The following SNORC variants were observed in gnomAD, a reference collection of about 807,000 sequenced individuals.
The protein encoded by SNORC is secondary ossification center associated regulator of chondrocyte maturation.
In SNORC, 11 loss-of-function variants were observed where a neutral mutation model predicts 9.7. The observed-to-expected ratio is 1.14, with a 90% CI of 0.72 to 1.88. SNORC has a LOEUF of 1.88. Ranked by LOEUF, SNORC falls within the 40% of genes most tolerant of loss-of-function variation. SNORC has a pLI of 0.00. For synonymous variants in SNORC, 108 were observed against 88.7 expected (o/e 1.22, Z -1.22); for missense variants, 197 against 173.1 (o/e 1.14, Z -0.77).
At chr2:232,876,926 A>G (rs1691277982), downstream of SNORC, 8 of 985,114 alleles carry the variant, frequency 8.1e-6, no homozygotes, top group Non-Finnish European at 9.6e-6. The surrounding 1 kb of genome is among the most constrained non-coding windows in gnomAD (Gnocchi z 6.8). Flanking sequence ...GTGAGGAGGT[A>G]AGCGCTAGGG....
At chr2:232,870,545 A>G (rs1690990358) in intron 1 of SNORC, 131 bp downstream of exon 1, 2 of 900,598 alleles carry the variant, frequency 2.2e-6, no homozygotes, top group Non-Finnish European at 3.4e-6. Flanking sequence ...ATTTGGGGTG[A>G]TTCTGCGAAG....
At chr2:232,876,549 C>G (rs937461339), downstream of SNORC, 3 of 1,183,308 alleles carry the variant, frequency 2.5e-6, no homozygotes, top group Non-Finnish European at 3.1e-6. This position sits in a 1 kb window ranked among gnomAD's most constrained non-coding sequence, Gnocchi z 6.8. Flanking sequence ...GAGGCGCGCC[C>G]GAATTCCCCG....
At chr2:232,876,492 G>A (rs956818541), downstream of SNORC, 17 of 1,314,128 alleles carry the variant, frequency 1.3e-5, no homozygotes, top group African/African-American at 2.7e-4. This position sits in a 1 kb window ranked among gnomAD's most constrained non-coding sequence, Gnocchi z 6.8. Context: ...TCAGGGCGGG[G>A]GTGCGCGCGG....
rs771215106 is a variant in SNORC, at chr2:232,876,104, C to T, written c.238C>T (p.Arg80Trp). 2 of 1,426,808 alleles carry T rather than the reference C, an allele frequency of 1.4e-6. No homozygotes were observed. The highest frequency in any genetic ancestry group is 1.5e-5 in the African/African-American group (1 of 65,284). The allele number at this position is 1,426,808 out of a possible 1,614,324, so 88.4% of individuals were successfully genotyped here. The change falls in exon 2 of 3, where the codon CGG becomes TGG. Residue 80 changes from arginine (R) to tryptophan (W), a missense_variant. Physicochemically the swap from Arg to Trp is moderately radical, Grantham distance 101. Coordinates refer to ENST00000331342, the Ensembl canonical transcript of SNORC. The surrounding 1 kb of genome is among the most constrained non-coding windows in gnomAD (Gnocchi z 6.8). ...ACCCGAGGACAGCACCGCGCAGGAG[C>T]GGCTGGACCAGGGCGGCGGTACGGG...
chr2:232,876,868 C>G, downstream of SNORC: 1 of 985,574 alleles, frequency 1.0e-6, no homozygotes. This position sits in a 1 kb window ranked among gnomAD's most constrained non-coding sequence, Gnocchi z 6.8. Context: ...TCGCCGCGCT[C>G]CCCGGGGCCT....
exon 2 of SNORC, chr2:232,875,961 T>C (rs1691215516): frequency 6.4e-7 from 1 of 1,553,882 alleles, no homozygotes; most frequent in African/African-American, 1.4e-5. Context: ...CAGGAGCCCG[T>C]GCCCACGCTG....
At chr2:232,876,470 G>T (rs1299612110), downstream of SNORC, 3 of 1,360,088 alleles carry the variant, frequency 2.2e-6, no homozygotes, top group East Asian at 3.1e-5. This position sits in a 1 kb window ranked among gnomAD's most constrained non-coding sequence, Gnocchi z 6.8. Flanking sequence ...GTGAGCGCGC[G>T]CAGGCGAGCG....
upstream of SNORC, chr2:232,870,228 T>A: frequency 1.1e-6 from 1 of 942,712 alleles, no homozygotes; most frequent in South Asian, 1.4e-5. Flanking sequence ...AGGACAGAGT[T>A]TGCATTGATG....
At chr2:232,868,811 G>C (rs1690924376), upstream of SNORC, among the ~76,000 whole-genome samples, 1 of 152,138 alleles carries the variant, frequency 6.6e-6, no homozygotes, top group Admixed American at 6.6e-5. Context: ...ATTAAATTCA[G>C]ACTTCACTAA....
At chr2:232,867,146 G>T (rs1690893968), upstream of SNORC, among the ~76,000 whole-genome samples, 1 of 152,206 alleles carries the variant, frequency 6.6e-6, no homozygotes, top group South Asian at 2.1e-4. Flanking sequence ...TTGTGAAAAT[G>T]AGCCATAAAT....
At chr2:232,873,798 C>T (rs1007315507) in intron 1 of SNORC, among the ~76,000 whole-genome samples, 3 of 152,074 alleles carry the variant, frequency 2.0e-5, no homozygotes, top group East Asian at 1.9e-4. Context: ...TTTCTGGCTG[C>T]GACATGGGAG....
upstream of SNORC, among the ~76,000 whole-genome samples, chr2:232,867,866 C>T (rs1416636038): frequency 6.6e-6 from 1 of 152,196 alleles, no homozygotes; most frequent in Non-Finnish European, 1.5e-5. Context: ...CCGCCAGTGC[C>T]CAGCTATTCT....
upstream of SNORC, chr2:232,870,192 G>C (rs1690968391): frequency 2.9e-6 from 2 of 694,866 alleles, no homozygotes; most frequent in Admixed American, 4.2e-5. Context: ...CGGGGGGGTG[G>C]GGAGGTGCGG....
At chr2:232,870,542 G>A (rs1690990194) in intron 1 of SNORC, 128 bp downstream of exon 1, 1 of 913,012 alleles carries the variant, frequency 1.1e-6, no homozygotes, top group Admixed American at 2.5e-5. Context: ...ACTATTTGGG[G>A]TGATTCTGCG....
rs1691232980 is a variant in SNORC, at chr2:232,876,201, G to A, written c.257-46G>A. ...GGCGGGGGGCGCGGGGAGAAGGGCCGGCCAGGCGGGGGCTAGCAGGTGACA... is the reference window on the plus strand; with the variant it reads ...GGCGGGGGGCGCGGGGAGAAGGGCCAGCCAGGCGGGGGCTAGCAGGTGACA... On this transcript the variant is annotated intron_variant, in intron 2 of 2. Coordinates refer to ENST00000331342, the Ensembl canonical transcript of SNORC. The surrounding 1 kb of genome is among the most constrained non-coding windows in gnomAD (Gnocchi z 6.8). 2 of 1,472,832 alleles carry A rather than the reference G, an allele frequency of 1.4e-6. No homozygotes were observed. The highest frequency in any genetic ancestry group is 1.3e-5 in the South Asian group (1 of 76,450). 91.2% of individuals were successfully genotyped at this position (1,472,832 alleles called of 1,614,324 possible).
chr2:232,871,098 C>T (rs1044511909), intron 1 of SNORC, among the ~76,000 whole-genome samples: 5 of 152,194 alleles, frequency 3.3e-5, no homozygotes, highest in South Asian at 2.1e-4. Context: ...GTGGTCTTTG[C>T]TCCTTTTGGC....
chr2:232,873,338 G>A (rs945978468), intron 1 of SNORC, among the ~76,000 whole-genome samples: 2 of 152,152 alleles, frequency 1.3e-5, no homozygotes, highest in African/African-American at 4.8e-5. Context: ...TCTGGTGGTG[G>A]GCGCAGCAGA....
chr2:232,877,098 G>T, downstream of SNORC: 1 of 986,104 alleles, frequency 1.0e-6, no homozygotes, highest in Non-Finnish European at 1.2e-6. Flanking sequence ...CAGACCAGCA[G>T]CCCCAAGCCC....
At chr2:232,876,857 C>G (rs1293236107), downstream of SNORC, 2 of 985,484 alleles carry the variant, frequency 2.0e-6, no homozygotes, top group African/African-American at 1.7e-5. This position sits in a 1 kb window ranked among gnomAD's most constrained non-coding sequence, Gnocchi z 6.8. Flanking sequence ...GGCCGAGGCC[C>G]TCGCCGCGCT....
Sources: gnomAD v4.1 joint callset for allele counts (sites outside exome capture counted in the v4.1 genomes callset) on GRCh38, gnomAD v4.1.1 for gene constraint, Gnocchi (gnomAD v3.1) non-coding constraint, MANE v1.5 for transcripts, NCBI Gene and HGNC (gene_info 2026-07-23, HGNC 2026-07-21) for gene names.